The following EIF4G3 variants were observed in gnomAD, a reference collection of about 807,000 sequenced individuals.
EIF4G3 encodes the protein eIF-4-gamma 3.
EIF4G3 carries 34 observed loss-of-function variants against 186.4 expected under a neutral mutation model. That is an observed-to-expected ratio of 0.18 (90% CI 0.14 to 0.24). EIF4G3 has a LOEUF of 0.24. Ranked by LOEUF, EIF4G3 falls within the 10% of genes least tolerant of loss-of-function variation. EIF4G3 has a pLI of 1.00. For synonymous variants in EIF4G3, 673 were observed against 679.5 expected (o/e 0.99, Z 0.15); for missense variants, 1,536 against 1,948.5 (o/e 0.79, Z 3.99).
At chr1:21,160,261 T>A (rs1277186108) in intron 2 of EIF4G3, among the ~76,000 whole-genome samples, 1 of 151,910 alleles carries the variant, frequency 6.6e-6, no homozygotes, top group Non-Finnish European at 1.5e-5. Context: ...TACCCATGAG[T>A]CCATAGTGAT....
chr1:21,106,361 T>G (rs565673717), intron 2 of EIF4G3, among the ~76,000 whole-genome samples: 1 of 151,920 alleles, frequency 6.6e-6, no homozygotes, highest in Non-Finnish European at 1.5e-5. Context: ...TAGAAGACAG[T>G]AGGATAACAG....
Position 20,883,340 on chromosome 1 carries a change from C to T in EIF4G3, c.2424+2861G>A, listed in dbSNP as rs527332705. Among the ~76,000 whole-genome samples, 5 of 151,932 alleles carry T rather than the reference C, an allele frequency of 3.3e-5. 1 individual carries two copies. The highest frequency in any genetic ancestry group is 7.2e-5 in the African/African-American group (3 of 41,382). Reference sequence around the variant, plus strand: ...AATGCCTTTAGAAGGAAATGAGGGCCGGGGGTGGTGGCTCACGCCTGTAAT... The same window carrying T: ...AATGCCTTTAGAAGGAAATGAGGGCTGGGGGTGGTGGCTCACGCCTGTAAT... On this transcript the variant is annotated intron_variant, in intron 19 of 36. Coordinates refer to ENST00000602326, the MANE Select transcript of EIF4G3 (RefSeq NM_001391906.1).
At chr1:20,914,026 T>C (rs1216581333) in intron 14 of EIF4G3, among the ~76,000 whole-genome samples, 1 of 151,940 alleles carries the variant, frequency 6.6e-6, no homozygotes, top group Non-Finnish European at 1.5e-5. Flanking sequence ...GCCAGGATGG[T>C]CTCGATCTCC....
At chr1:21,148,594 C>T (rs1286449242) in intron 2 of EIF4G3, among the ~76,000 whole-genome samples, 5 of 150,726 alleles carry the variant, frequency 3.3e-5, no homozygotes, top group East Asian at 2.0e-4. Context: ...CCCAGCTACT[C>T]GAGAGGCTAA....
chr1:20,864,787 G>GAT, intron 21 of EIF4G3, 75 bp from the exon 22 acceptor site: 1 of 1,229,722 alleles, frequency 8.1e-7, no homozygotes, highest in Non-Finnish European at 1.2e-6. Flanking sequence ...GATTCATGGG[G>GAT]TCAGAATCCC....
chr1:20,925,550 T>C (rs1415194541), intron 14 of EIF4G3, among the ~76,000 whole-genome samples: 1 of 152,222 alleles, frequency 6.6e-6, no homozygotes, highest in South Asian at 2.1e-4. Flanking sequence ...CTATACGTTT[T>C]AGCAACAGGG....
intron 25 of EIF4G3, among the ~76,000 whole-genome samples, chr1:20,857,162 C>A (rs141731230): frequency 3.9e-3 from 184 of 47,304 alleles, no homozygotes; most frequent in African/African-American, 8.4e-3. Context: ...GACTCCATCT[C>A]AAAAAAAAAA....
intron 2 of EIF4G3, among the ~76,000 whole-genome samples, chr1:21,148,761 G>A (rs867028055): frequency 6.6e-6 from 1 of 150,476 alleles, no homozygotes; most frequent in Non-Finnish European, 1.5e-5. Flanking sequence ...TCGAGAGGCT[G>A]AGGTGGGAGG....
chr1:21,099,478 A>G (rs759725198), intron 2 of EIF4G3, among the ~76,000 whole-genome samples: 8 of 152,250 alleles, frequency 5.3e-5, no homozygotes, highest in Non-Finnish European at 7.3e-5. Context: ...AATGAATCTC[A>G]AATGCTAATT....
intron 32 of EIF4G3, 55 bp downstream of exon 32, chr1:20,827,562 G>T: frequency 8.7e-7 from 1 of 1,143,034 alleles, no homozygotes; most frequent in Non-Finnish European, 1.3e-6. Flanking sequence ...CCAAGATCAA[G>T]ATCACTGCCC....
chr1:21,101,014 CA>C lies in EIF4G3; in HGVS notation c.-271-11802del, dbSNP rs550031976. The stretch of plus-strand genomic sequence containing the variant: ...GATCCTTCTCCACAGCCAATAAACC[CA>C]AGTCAAAGCACGCTTATACTAAATC... On this transcript the variant is annotated intron_variant, in intron 2 of 36. Coordinates refer to ENST00000602326, the MANE Select transcript of EIF4G3 (RefSeq NM_001391906.1). 5.3e-5 allele frequency among the ~76,000 whole-genome samples: 8 copies of C among 152,184 alleles called. No individual in the cohort carries two copies. The South Asian group carries it at 1.7e-3, about 32-fold the overall frequency.
At chr1:20,949,853 ATACTT>A (rs1470407312) in intron 13 of EIF4G3, 145 bp downstream of exon 13, 7 of 608,660 alleles carry the variant, frequency 1.2e-5, no homozygotes, top group African/African-American at 1.1e-4. Context: ...TAGAGGCAGA[ATACTT>A]TAATTTTCTG....
At chr1:20,972,096 T>C (rs2076015593) in intron 11 of EIF4G3, among the ~76,000 whole-genome samples, 1 of 152,202 alleles carries the variant, frequency 6.6e-6, no homozygotes, top group Non-Finnish European at 1.5e-5. Context: ...TTCTACAATT[T>C]TTCTGCCATT....
At chr1:20,928,922 A>G (rs1238908700) in intron 14 of EIF4G3, among the ~76,000 whole-genome samples, 1 of 152,020 alleles carries the variant, frequency 6.6e-6, no homozygotes, top group Admixed American at 6.6e-5. Flanking sequence ...GTGAGCACTA[A>G]TTTATTTTCT....
intron 14 of EIF4G3, among the ~76,000 whole-genome samples, chr1:20,939,116 T>TAAAAAAAAAAAAAA (rs3051247): frequency 1.5e-5 from 2 of 129,706 alleles, no homozygotes; most frequent in Non-Finnish European, 3.1e-5. Context: ...TAAAAAAAAT[T>TAAAAAAAAAAAAAA]AAAAAAAAAA....
In EIF4G3 at chr1:21,017,652, A is replaced by AAAG. The variant is rs1553142460; in HGVS notation, c.-66-14847_-66-14845dup. On this transcript the variant is annotated intron_variant, in intron 4 of 36. Transcript: ENST00000602326. ...CAAAAAAAAAAAAAAAAAAAAAAAA[A>AAAG]AAGAAGTTTAGTGTCCTTAATCCAA... Among the ~76,000 whole-genome samples, 5 of 129,418 alleles carry AAAG rather than the reference A, an allele frequency of 3.9e-5. 1 individual carries two copies. Among genetic ancestry groups the AAAG allele is most frequent in the East Asian group, 2.3e-4 (1 of 4,442 alleles). 84.9% of individuals were successfully genotyped at this position (129,418 alleles called of 152,430 possible).
At chr1:21,060,525 A>G (rs754434201) in intron 3 of EIF4G3, among the ~76,000 whole-genome samples, 1 of 152,226 alleles carries the variant, frequency 6.6e-6, no homozygotes, top group African/African-American at 2.4e-5. Context: ...TAAAAGCAGG[A>G]GTGTGAAAAG....
At chr1:20,847,639 C>G (rs1419625876) in intron 29 of EIF4G3, among the ~76,000 whole-genome samples, 5 of 152,134 alleles carry the variant, frequency 3.3e-5, no homozygotes, top group Non-Finnish European at 5.9e-5. Context: ...TTCACATTTC[C>G]CTACTTCCAT....
At chr1:20,911,990 C>G (rs1324061930) in intron 14 of EIF4G3, among the ~76,000 whole-genome samples, 1 of 152,088 alleles carries the variant, frequency 6.6e-6, no homozygotes, top group Non-Finnish European at 1.5e-5. Flanking sequence ...GAGTGAGGCT[C>G]TGTCTCTAAA....
Sources: gnomAD v4.1 joint callset for allele counts (sites outside exome capture counted in the v4.1 genomes callset) on GRCh38, gnomAD v4.1.1 for gene constraint, MANE v1.5 for transcripts, NCBI Gene and HGNC (gene_info 2026-07-23, HGNC 2026-07-21) for gene names.